The following ACAP2 variants were observed in gnomAD, a reference collection of about 807,000 sequenced individuals.
ACAP2 encodes the protein arf-GAP with coiled-coil, ANK repeat and PH domain-containing protein 2.
Under a neutral mutation model 115.8 loss-of-function variants are expected in ACAP2, and 39 were observed. That is an observed-to-expected ratio of 0.34 (90% CI 0.26 to 0.44). ACAP2 has a LOEUF of 0.44. ACAP2 is among the 20% of genes least tolerant of loss of function. The pLI, the probability that ACAP2 is intolerant of heterozygous loss-of-function variation, is 1.00. For synonymous variants in ACAP2, 289 were observed against 315.8 expected (o/e 0.92, Z 0.90); for missense variants, 662 against 927.6 (o/e 0.71, Z 3.72).
intron 1 of ACAP2, among the ~76,000 whole-genome samples, chr3:195,424,281 ATATTTTTTTTT>A (rs1301148110): frequency 4.9e-3 from 243 of 49,286 alleles, no homozygotes; most frequent in African/African-American, 0.017. Flanking sequence ...ATATATATAT[ATATTTTTTTTT>A]TTTTTTTTTT....
At chr3:195,351,622 G>A (rs769362149) in intron 4 of ACAP2, among the ~76,000 whole-genome samples, 42 of 151,600 alleles carry the variant, frequency 2.8e-4, no homozygotes, top group Middle Eastern at 3.4e-3. Flanking sequence ...CCACCACCAC[G>A]CCCAGCTAAT....
At chr3:195,329,269 T>C (rs1158142364) in intron 8 of ACAP2, among the ~76,000 whole-genome samples, 1 of 152,062 alleles carries the variant, frequency 6.6e-6, no homozygotes, top group Admixed American at 6.5e-5. Flanking sequence ...CTTCTAGACA[T>C]GGGGAAATGT....
At chr3:195,382,383 T>A (rs906332052) in intron 2 of ACAP2, among the ~76,000 whole-genome samples, 9 of 151,664 alleles carry the variant, frequency 5.9e-5, no homozygotes, top group African/African-American at 1.7e-4. Context: ...AAAAAAAAAA[T>A]GTCTCTAATA....
intron 12 of ACAP2, 83 bp from the exon 13 acceptor site, chr3:195,306,699 G>T: frequency 2.0e-6 from 2 of 1,008,180 alleles, no homozygotes; most frequent in African/African-American, 1.7e-5. Flanking sequence ...TTTCCACTTT[G>T]CTATTTAATA....
Position 195,291,886 on chromosome 3 carries a change from A to G in ACAP2, c.1954-71T>C. 2.2e-6 allele frequency: 3 copies of G among 1,351,444 alleles called. No individual in the cohort carries two copies. In the East Asian group the frequency reaches 7.6e-5, roughly 34 times the overall value. 83.7% of individuals were successfully genotyped at this position (1,351,444 alleles called of 1,614,324 possible). A position where few individuals can be genotyped will look rare whatever the true frequency, so the allele number is the denominator to read the frequency against. On this transcript the variant is annotated intron_variant, in intron 19 of 22. Transcript: ENST00000326793. ...GAAACAACAATACATTTCTTTTTAA[A>G]AACAATTGGTTTTCGTTACTCAAAT...
intron 13 of ACAP2, among the ~76,000 whole-genome samples, chr3:195,302,426 T>TGTACAAAA (rs1366215841): frequency 6.6e-6 from 1 of 151,814 alleles, no homozygotes; most frequent in Non-Finnish European, 1.5e-5. Context: ...AATGAACATA[T>TGTACAAAA]GTACAAAAGA....
intron 4 of ACAP2, among the ~76,000 whole-genome samples, chr3:195,377,008 C>G (rs914748571): frequency 6.6e-6 from 1 of 152,038 alleles, no homozygotes; most frequent in Non-Finnish European, 1.5e-5. Flanking sequence ...CTAGGCTTTT[C>G]CTACATGTTA....
intron 1 of ACAP2, among the ~76,000 whole-genome samples, chr3:195,397,412 A>G (rs548491755): frequency 6.6e-6 from 1 of 152,284 alleles, no homozygotes; most frequent in Non-Finnish European, 1.5e-5. Flanking sequence ...TCCTATACCA[A>G]TGAGATTACT....
At chr3:195,395,855 A>G (rs1711722303) in intron 1 of ACAP2, among the ~76,000 whole-genome samples, 1 of 152,258 alleles carries the variant, frequency 6.6e-6, no homozygotes, top group Non-Finnish European at 1.5e-5. Flanking sequence ...GAATTCAGAA[A>G]AACAGATACT....
chr3:195,379,903 T>C (rs1733834840), intron 4 of ACAP2, among the ~76,000 whole-genome samples: 1 of 152,164 alleles, frequency 6.6e-6, no homozygotes, highest in Admixed American at 6.5e-5. Flanking sequence ...GCATGAGTCA[T>C]TAGGGAAATG....
chr3:195,340,141 A>G (rs1730772762), intron 6 of ACAP2, among the ~76,000 whole-genome samples: 1 of 151,410 alleles, frequency 6.6e-6, no homozygotes, highest in South Asian at 2.1e-4. Flanking sequence ...TACTCCAGAC[A>G]AGAAACAGTA....
At chr3:195,408,657 TATGGAACA>T in intron 1 of ACAP2, among the ~76,000 whole-genome samples, 1 of 152,216 alleles carries the variant, frequency 6.6e-6, no homozygotes, top group African/African-American at 2.4e-5. Context: ...AAAAGAAAAC[TATGGAACA>T]ATATCCCTTA....
chr3:195,341,962 G>C (rs1730906631), intron 6 of ACAP2, among the ~76,000 whole-genome samples: 2 of 152,064 alleles, frequency 1.3e-5, no homozygotes. Context: ...GGCATACAGA[G>C]TGGTGTAATG....
intron 10 of ACAP2, among the ~76,000 whole-genome samples, chr3:195,311,998 T>G (rs1354584720): frequency 6.6e-6 from 1 of 150,446 alleles, no homozygotes; most frequent in Admixed American, 6.6e-5. Context: ...TATAAATTAT[T>G]AAATATTATT....
chr3:195,301,679 GTC>G (rs754610893), intron 14 of ACAP2, 35 bp from the exon 15 acceptor site: 7 of 1,575,744 alleles, frequency 4.4e-6, no homozygotes, highest in Non-Finnish European at 6.1e-6. Flanking sequence ...TTACTATCAA[GTC>G]TCTGTTTGCG....
At chr3:195,298,366 C>T (rs1266680129) in intron 15 of ACAP2, among the ~76,000 whole-genome samples, 1 of 151,420 alleles carries the variant, frequency 6.6e-6, no homozygotes. Context: ...AGTGATTCTC[C>T]GGCCTCAACC....
intron 22 of ACAP2, 115 bp downstream of exon 22, chr3:195,285,681 C>T: frequency 1.2e-6 from 1 of 844,702 alleles, no homozygotes; most frequent in Non-Finnish European, 1.8e-6. Context: ...TATAAAAACT[C>T]TATAGTATCA....
chr3:195,314,985 ATACT>A (rs777830447), intron 10 of ACAP2, among the ~76,000 whole-genome samples: 7 of 152,174 alleles, frequency 4.6e-5, no homozygotes, highest in African/African-American at 7.2e-5. Context: ...CACCTAGAAA[ATACT>A]TAAAGACTTT....
chr3:195,409,863 G>A (rs1166463179), intron 1 of ACAP2, among the ~76,000 whole-genome samples: 2 of 116,052 alleles, frequency 1.7e-5, no homozygotes, highest in African/African-American at 6.6e-5. Context: ...GTAACAGAGT[G>A]AGTGAGACTC....
Sources: gnomAD v4.1 joint callset for allele counts (sites outside exome capture counted in the v4.1 genomes callset) on GRCh38, gnomAD v4.1.1 for gene constraint, MANE v1.5 for transcripts, NCBI Gene and HGNC (gene_info 2026-07-23, HGNC 2026-07-21) for gene names.